Variants in NCOR1 observed in about 807,000 individuals in gnomAD.
The protein encoded by NCOR1 is protein phosphatase 1, regulatory subunit 109.
Under a neutral mutation model 288.1 loss-of-function variants are expected in NCOR1, and 63 were observed. The observed-to-expected ratio is 0.22, with a 90% CI of 0.18 to 0.27. The LOEUF is 0.27. Ranked by LOEUF, NCOR1 falls within the 10% of genes least tolerant of loss-of-function variation. The probability of loss-of-function intolerance (pLI) is 1.00; values close to 1 mark genes in which losing one functional copy is unlikely to be tolerated. For missense variants in NCOR1, 2,397 were observed against 3,019.2 expected (o/e 0.79, Z 4.83); for synonymous variants, 1,007 against 1,065.9 (o/e 0.94, Z 1.08).
At position 16,030,645 on chromosome 17, in the gene NCOR1, G is replaced by C. The variant is rs1971834346; in HGVS notation, c.*1651C>G. The C allele has an allele frequency of 5.5e-6, 1 of 181,156 alleles. No individual in the cohort carries two copies. Among genetic ancestry groups the C allele is most frequent in the African/African-American group, 2.4e-5 (1 of 42,436 alleles). 11.2% of individuals were successfully genotyped at this position (181,156 alleles called of 1,614,324 possible). A position where few individuals can be genotyped will look rare whatever the true frequency, so the allele number is the denominator to read the frequency against. Reference sequence around the variant, plus strand: ...TGCTGACCACTAAGCCTGATCTAAAGTTTATGTTGGGGACCTCAGGTATAC... The same window carrying C: ...TGCTGACCACTAAGCCTGATCTAAACTTTATGTTGGGGACCTCAGGTATAC... On this transcript the variant is annotated 3_prime_UTR_variant, in exon 46 of 46. Coordinates refer to ENST00000268712, the MANE Select transcript of NCOR1 (RefSeq NM_006311.4).
intron 19 of NCOR1, among the ~76,000 whole-genome samples, chr17:16,103,179 T>C (rs1363364795): frequency 6.6e-6 from 1 of 152,192 alleles, no homozygotes; most frequent in Non-Finnish European, 1.5e-5. Context: ...AATCAGATTC[T>C]TTTCTAGGGT....
chr17:16,193,067 T>C (rs2088882769), intron 2 of NCOR1, among the ~76,000 whole-genome samples: 1 of 152,032 alleles, frequency 6.6e-6, no homozygotes, highest in South Asian at 2.1e-4. Flanking sequence ...CCAAGGAGGA[T>C]GGGGTGCCAA....
chr17:16,155,891 T>C (rs1384222682), intron 6 of NCOR1, among the ~76,000 whole-genome samples: 1 of 151,314 alleles, frequency 6.6e-6, no homozygotes, highest in Non-Finnish European at 1.5e-5. Flanking sequence ...GGGGAGTACA[T>C]ATCAGAAAGC....
chr17:16,121,174 CTGT>C lies in NCOR1; in HGVS notation c.1727_1729del (p.Asn576del). 1 of 1,614,162 alleles carries C rather than the reference CTGT, an allele frequency of 6.2e-7. No individual in the cohort carries two copies. The highest frequency in any genetic ancestry group is 8.5e-7 in the Non-Finnish European group (1 of 1,180,038). Reference sequence around the variant, plus strand: ...GATCCGGCCCTTACGGCGGCCCTGACTGTTGGCAGTCTTTCGCCCCCGGGGTGT... The same window carrying C: ...GATCCGGCCCTTACGGCGGCCCTGACTGGCAGTCTTTCGCCCCCGGGGTGT... On this transcript the variant is annotated inframe_deletion, in exon 16 of 46. Transcript: ENST00000268712.
chr17:16,039,479 G>A lies in NCOR1; in HGVS notation c.6909C>T (p.Thr2303=), dbSNP rs1400726537. Reference sequence around the variant, plus strand: ...CTTCCTCTCTTCGTGTCTCACCACTGGTCACAACTGAGGTGTTGGCAGTAC... The same window carrying A: ...CTTCCTCTCTTCGTGTCTCACCACTAGTCACAACTGAGGTGTTGGCAGTAC... ...VPGTANTSVV[T]SGETRREEGD... is the part of the protein sequence containing the mutation. Residue 2303 remains threonine, a synonymous_variant, in exon 44 of 46, where the codon ACC becomes ACT. Transcript: ENST00000268712. The A allele has an allele frequency of 6.2e-7, 1 of 1,614,004 alleles. No individual in the cohort carries two copies.
At chr17:16,101,940 G>A (rs1224534867) in intron 19 of NCOR1, 183 bp from the exon 20 acceptor site, 9 of 755,026 alleles carry the variant, frequency 1.2e-5, no homozygotes, top group Non-Finnish European at 1.9e-5. Flanking sequence ...TACAGCCATT[G>A]AGAAGGCTAA....
intron 19 of NCOR1, among the ~76,000 whole-genome samples, chr17:16,107,930 A>AG (rs2069124328): frequency 1.3e-5 from 2 of 152,254 alleles, no homozygotes; most frequent in South Asian, 4.1e-4. Flanking sequence ...GAAAAAAAAA[A>AG]CATGGAATCT....
At chr17:16,092,181 T>A in intron 21 of NCOR1, 123 bp from the exon 22 acceptor site, 2 of 1,196,434 alleles carry the variant, frequency 1.7e-6, no homozygotes, top group Non-Finnish European at 2.3e-6. Flanking sequence ...CATTTTTTAA[T>A]CAAAGTTATC....
chr17:16,159,545 CTT>C (rs1425254790), intron 5 of NCOR1, among the ~76,000 whole-genome samples: 1 of 151,746 alleles, frequency 6.6e-6, no homozygotes, highest in African/African-American at 2.4e-5. Flanking sequence ...AAAAAACACT[CTT>C]ATATGTTATA....
At chr17:16,046,762 G>A (rs1245021234) in intron 42 of NCOR1, 189 bp downstream of exon 42, 13 of 562,920 alleles carry the variant, frequency 2.3e-5, no homozygotes, top group Non-Finnish European at 2.6e-5. Context: ...AGAAAGGAGC[G>A]AACTCCTGCC....
At chr17:16,149,380 G>A in intron 9 of NCOR1, 71 bp downstream of exon 9, 2 of 812,906 alleles carry the variant, frequency 2.5e-6, no homozygotes, top group East Asian at 2.9e-5. Flanking sequence ...TTAACAGTAG[G>A]AAAGTGAATG....
intron 23 of NCOR1, among the ~76,000 whole-genome samples, chr17:16,083,462 A>C (rs1432408827): frequency 6.6e-6 from 1 of 152,166 alleles, no homozygotes; most frequent in Non-Finnish European, 1.5e-5. Context: ...CGCTGCTGAG[A>C]GATATAGATA....
chr17:16,051,343 G>A (rs2059288585), intron 40 of NCOR1, among the ~76,000 whole-genome samples: 2 of 152,024 alleles, frequency 1.3e-5, no homozygotes, highest in African/African-American at 4.8e-5. Context: ...ACTCCTCTGT[G>A]TTTTGCTTAT....
intron 19 of NCOR1, among the ~76,000 whole-genome samples, chr17:16,107,514 C>T (rs34703946): frequency 3.9e-5 from 6 of 152,192 alleles, no homozygotes; most frequent in Non-Finnish European, 8.8e-5. Context: ...GCACCTTGAC[C>T]TTGCACGTAC....
intron 1 of NCOR1, among the ~76,000 whole-genome samples, chr17:16,208,206 ATTTT>A (rs757019446): frequency 7.6e-5 from 5 of 65,552 alleles, no homozygotes; most frequent in Non-Finnish European, 1.1e-4. Flanking sequence ...ATGCCCAGCT[ATTTT>A]TTTTTTTTTT....
intron 14 of NCOR1, among the ~76,000 whole-genome samples, chr17:16,136,589 G>A (rs1235422302): frequency 6.6e-6 from 1 of 152,020 alleles, no homozygotes; most frequent in African/African-American, 2.4e-5. Context: ...GGTGGATCAT[G>A]GAAGTCAGGA....
intron 14 of NCOR1, 101 bp from the exon 15 acceptor site, chr17:16,126,307 T>C (rs2074032303): frequency 8.4e-7 from 1 of 1,196,224 alleles, no homozygotes; most frequent in Non-Finnish European, 1.1e-6. Flanking sequence ...TAAATGATTG[T>C]TAGTCATTTA....
chr17:16,037,478 C>CA (rs1420732953), intron 44 of NCOR1, among the ~76,000 whole-genome samples: 1 of 151,794 alleles, frequency 6.6e-6, no homozygotes, highest in Non-Finnish European at 1.5e-5. Flanking sequence ...TCACTTGTAA[C>CA]AATCAAAACA....
Position 16,086,319 on chromosome 17 carries a change from T to A in NCOR1, c.3140A>T (p.Glu1047Val). The A allele has an allele frequency of 6.2e-7, 1 of 1,614,124 alleles. No individual in the cohort carries two copies. The highest frequency in any genetic ancestry group is 8.5e-7 in the Non-Finnish European group (1 of 1,179,988). ...IPSSKTTVAS[E>V]KPSFIMGGSI... The stretch of plus-strand genomic sequence containing the variant: ...GCCTCCCATTATAAAAGATGGTTTT[T>A]CTGAAGCCACTGTGGTTTTGGATGA... The change falls in exon 23 of 46, where the codon GAA becomes GTA. Residue 1047 changes from glutamate (E) to valine (V), a missense_variant. By Grantham distance (121) the Glu-to-Val change is moderately radical. Around this residue, in one of 11 missense-constraint regions of NCOR1, gnomAD observed 1,872 missense variants for 2,187.8 expected, o/e 0.86. Coordinates refer to ENST00000268712, the MANE Select transcript of NCOR1 (RefSeq NM_006311.4).
Sources: allele counts gnomAD v4.1 joint callset (sites outside exome capture counted in the v4.1 genomes callset), GRCh38; gene constraint gnomAD v4.1.1; regional missense constraint gnomAD v4.1.1; transcripts MANE v1.5; gene names NCBI Gene and HGNC (gene_info 2026-07-23, HGNC 2026-07-21).